The following BIRC6 variants were observed in gnomAD, a reference collection of about 807,000 sequenced individuals.
The protein encoded by BIRC6 is baculoviral IAP repeat containing 6, also known as dual E2 ubiquitin-conjugating enzyme/E3 ubiquitin-protein ligase BIRC6.
BIRC6 carries 98 observed loss-of-function variants against 503.3 expected under a neutral mutation model. The ratio of observed to expected loss-of-function variants is 0.19; its 90% CI spans 0.17 to 0.23. The LOEUF (loss-of-function observed/expected upper bound fraction) is 0.23. BIRC6 is among the 10% of genes least tolerant of loss of function. The pLI is 1.00. For missense variants in BIRC6, 5,360 were observed against 5,806.0 expected (o/e 0.92, Z 2.50); for synonymous variants, 2,240 against 2,078.7 (o/e 1.08, Z -2.11).
intron 26 of BIRC6, among the ~76,000 whole-genome samples, chr2:32,466,108 C>G (rs938243804): frequency 2.6e-5 from 4 of 151,684 alleles, no homozygotes; most frequent in African/African-American, 9.7e-5. Context: ...AATAATTTTT[C>G]TTGTTAGGGA....
chr2:32,404,867 G>C (rs1414205807), intron 8 of BIRC6, among the ~76,000 whole-genome samples: 2 of 151,860 alleles, frequency 1.3e-5, no homozygotes, highest in Non-Finnish European at 2.9e-5. Flanking sequence ...TCACTGTGTT[G>C]CCCAGGCTGG....
rs377279487 is a variant in BIRC6 at position 32,529,840 on chromosome 2, T to C, written c.12094+16T>C. ...CCTGAAAAAGGTATGTGCATAATAC[T>C]ACTTTAAAAATTACAGACTGTCATA... On this transcript the variant is annotated intron_variant, in intron 60 of 73. Transcript: ENST00000421745. 368 of 1,499,382 alleles carry C rather than the reference T, an allele frequency of 2.5e-4. 1 individual carries two copies. The highest frequency in any genetic ancestry group is 3.6e-4 in the South Asian group (26 of 72,626). The allele number at this position is 1,499,382 out of a possible 1,614,324, so 92.9% of individuals were successfully genotyped here.
intron 51 of BIRC6, 109 bp downstream of exon 51, chr2:32,508,368 G>C (rs2054034224): frequency 7.6e-7 from 1 of 1,320,662 alleles, no homozygotes; most frequent in South Asian, 1.6e-5. Flanking sequence ...GTCTTAGGAA[G>C]GTCTTTGTTC....
chr2:32,459,205 C>T (rs548588432), intron 23 of BIRC6, among the ~76,000 whole-genome samples: 4 of 152,304 alleles, frequency 2.6e-5, no homozygotes, highest in African/African-American at 9.6e-5. Context: ...CCCATTCCCC[C>T]CAAACCCTTC....
At chr2:32,555,343 A>G (rs1261509790) in intron 65 of BIRC6, among the ~76,000 whole-genome samples, 1 of 152,102 alleles carries the variant, frequency 6.6e-6, no homozygotes, top group Admixed American at 6.6e-5. Context: ...CTTCATCTCT[A>G]TTAAAAACTA....
At chr2:32,397,434 T>C (rs1463146649) in intron 6 of BIRC6, among the ~76,000 whole-genome samples, 2 of 151,508 alleles carry the variant, frequency 1.3e-5, no homozygotes, top group Non-Finnish European at 2.9e-5. Context: ...ATTGTACCAT[T>C]GCACTCAAGC....
intron 61 of BIRC6, among the ~76,000 whole-genome samples, chr2:32,538,866 C>A (rs1476116485): frequency 6.6e-6 from 1 of 152,170 alleles, no homozygotes; most frequent in Non-Finnish European, 1.5e-5. Flanking sequence ...TGAGATCGTG[C>A]CCCTGCACTG....
rs1447189257 is a variant in BIRC6, at chr2:32,467,676, T to C, written c.5508T>C (p.Asp1836=). ...GAAGGCGGTTGGTAGTGGCAACTGA[T>C]ATAAGCACTCATTCACTAATTCTTC... is the stretch of plus-strand genomic sequence containing the variant. The part of the protein sequence containing the change: ...VDGRRLVVAT[D]ISTHSLILHD... The change falls in exon 27 of 74, where the codon GAT becomes GAC. Residue 1836 remains aspartate, a synonymous_variant. Transcript: ENST00000421745. The C allele has an allele frequency of 6.2e-7, 1 of 1,613,820 alleles. No homozygotes were observed. Among genetic ancestry groups the C allele is most frequent in the Non-Finnish European group, 8.5e-7 (1 of 1,179,874 alleles).
chr2:32,476,026 A>G (rs1198961563), intron 33 of BIRC6, among the ~76,000 whole-genome samples, 187 bp from the exon 34 acceptor site: 1 of 152,074 alleles, frequency 6.6e-6, no homozygotes, highest in Non-Finnish European at 1.5e-5. Context: ...TAATGAAAAC[A>G]GGGAGAGATC....
At chr2:32,572,501 A>G (rs139252647) in intron 65 of BIRC6, among the ~76,000 whole-genome samples, 1 of 152,332 alleles carries the variant, frequency 6.6e-6, no homozygotes, top group Non-Finnish European at 1.5e-5. Context: ...ATTTTAATAG[A>G]TAATGCCAGT....
Position 32,464,600 on chromosome 2 carries a change from C to T in BIRC6, c.5033C>T (p.Ser1678Phe). The T allele has an allele frequency of 6.2e-7, 1 of 1,613,414 alleles. No individual in the cohort carries two copies. Among genetic ancestry groups the T allele is most frequent in the Non-Finnish European group, 8.5e-7 (1 of 1,179,546 alleles). Residue 1678 changes from serine (S) to phenylalanine (F), a missense_variant, in exon 25 of 74, where the codon TCC (serine) becomes TTC (phenylalanine). Physicochemically the swap from Ser to Phe is radical, Grantham distance 155 (BLOSUM62 -2). Coordinates refer to ENST00000421745, the MANE Select transcript of BIRC6 (RefSeq NM_016252.4). The stretch of plus-strand genomic sequence containing the variant: ...GGTCCTGTTCACAACTCTGTGCCTT[C>T]CAACCCAGTGGCTGCCCCTGGATTC... ...AVGPVHNSVP[S>F]NPVAAPGFFI...
At chr2:32,587,166 ATCATGAGG>A (rs774536562) in intron 66 of BIRC6, among the ~76,000 whole-genome samples, 3 of 152,204 alleles carry the variant, frequency 2.0e-5, no homozygotes, top group Non-Finnish European at 4.4e-5. Context: ...TGGCACACAG[ATCATGAGG>A]TCAGGAGATC....
At chr2:32,534,219 C>A (rs562501282) in intron 61 of BIRC6, among the ~76,000 whole-genome samples, 1 of 147,140 alleles carries the variant, frequency 6.8e-6, no homozygotes, top group African/African-American at 2.5e-5. Context: ...ACTAAAAATA[C>A]AAAAATTAGC....
chr2:32,475,328 A>G (rs535652061), intron 33 of BIRC6, among the ~76,000 whole-genome samples: 5 of 152,258 alleles, frequency 3.3e-5, no homozygotes, highest in African/African-American at 1.2e-4. Context: ...TGTATGGAGA[A>G]CACAGTCACC....
intron 8 of BIRC6, among the ~76,000 whole-genome samples, chr2:32,403,173 C>T (rs1008784175): frequency 1.3e-5 from 2 of 152,182 alleles, no homozygotes; most frequent in East Asian, 3.9e-4. Flanking sequence ...CCCCTCTCTT[C>T]ACTTCCCCTC....
Position 32,464,634 on chromosome 2 carries a change from T to G in BIRC6, c.5067T>G (p.His1689Gln), listed in dbSNP as rs2048331801. The stretch of plus-strand genomic sequence containing the variant: ...TGGCTGCCCCTGGATTCTTCATTCA[T>G]CCATCTGATGTTATTCCACCCACTC... Reference protein sequence around the residue: ...NPVAAPGFFIHPSDVIPPTPK... With the variant: ...NPVAAPGFFIQPSDVIPPTPK... The change falls in exon 25 of 74, where the codon CAT (histidine) becomes CAG (glutamine). Residue 1689 changes from histidine (H) to glutamine (Q), a missense_variant. His to Gln is a conservative substitution (Grantham distance 24). Around this residue, in one of 16 missense-constraint regions of BIRC6, gnomAD observed 2,299 missense variants for 2,267.2 expected, o/e 1.01. Transcript: ENST00000421745. The G allele has an allele frequency of 6.2e-7, 1 of 1,614,020 alleles. No individual in the cohort carries two copies. The highest frequency in any genetic ancestry group is 2.2e-5 in the East Asian group (1 of 44,880).
rs1335787858 is a variant in BIRC6, at chr2:32,499,679, G to T, written c.8601G>T (p.Val2867=). The T allele has an allele frequency of 1.9e-6, 3 of 1,613,712 alleles. No homozygotes were observed. The highest frequency in any genetic ancestry group is 2.5e-6 in the Non-Finnish European group (3 of 1,179,818). Residue 2867 remains valine, a synonymous_variant, in exon 46 of 74, where the codon GTG becomes GTT. Transcript: ENST00000421745. The part of the protein sequence containing the change: ...SAVIESVTFL[V]HHYITCSDKV... ...TGATAGAATCGGTTACATTTTTAGTGCACCACTATATCACTTGCTCAGACA... is the reference window on the plus strand; with the variant it reads ...TGATAGAATCGGTTACATTTTTAGTTCACCACTATATCACTTGCTCAGACA...
Position 32,503,137 on chromosome 2 carries a change from G to T in BIRC6, c.9400G>T (p.Asp3134Tyr). The T allele has an allele frequency of 6.2e-7, 1 of 1,612,080 alleles. No individual in the cohort carries two copies. Among genetic ancestry groups the T allele is most frequent in the Non-Finnish European group, 8.5e-7 (1 of 1,179,032 alleles). ...SMVSTIMKFL[D>Y]SGPNKAVDST... Reference sequence around the variant, plus strand: ...GGTATCAACTATTATGAAATTTCTTGACTCTGGTCCAAATAAAGCTGTTGA... The same window carrying T: ...GGTATCAACTATTATGAAATTTCTTTACTCTGGTCCAAATAAAGCTGTTGA... Residue 3134 changes from aspartate (D) to tyrosine (Y), a missense_variant, in exon 49 of 74, where the codon GAC (aspartate) becomes TAC (tyrosine). This residue lies in a region of BIRC6 where 267 missense variants were observed against 287.6 expected (regional missense o/e 0.93). Transcript: ENST00000421745.
intron 10 of BIRC6, among the ~76,000 whole-genome samples, chr2:32,416,879 C>A (rs2042432822): frequency 6.6e-6 from 1 of 150,470 alleles, no homozygotes; most frequent in African/African-American, 2.5e-5. Flanking sequence ...TCTTGTTGCC[C>A]AAGCTGAAGT....
Sources: allele counts gnomAD v4.1 joint callset (sites outside exome capture counted in the v4.1 genomes callset), GRCh38; gene constraint gnomAD v4.1.1; regional missense constraint gnomAD v4.1.1; transcripts MANE v1.5; gene names NCBI Gene and HGNC (gene_info 2026-07-23, HGNC 2026-07-21).